The following GAS7 variants were observed in gnomAD, a reference collection of about 807,000 sequenced individuals.
The protein encoded by GAS7 is growth arrest-specific protein 7.
GAS7 carries 28 observed loss-of-function variants against 71.1 expected under a neutral mutation model. The ratio of observed to expected loss-of-function variants is 0.39; its 90% CI spans 0.29 to 0.54. The LOEUF is 0.54. GAS7 is among the 20% of genes least tolerant of loss of function. The probability of loss-of-function intolerance (pLI) is 0.62; values close to 1 mark genes in which losing one functional copy is unlikely to be tolerated. For synonymous variants in GAS7, 258 were observed against 245.8 expected (o/e 1.05, Z -0.46); for missense variants, 436 against 627.8 (o/e 0.69, Z 3.27).
At position 10,148,909 on chromosome 17, in the gene GAS7, C is replaced by CAAAAAAA. The variant is rs752140645; in HGVS notation, c.183+49292_183+49298dup. 9.4e-5 allele frequency among the ~76,000 whole-genome samples: 11 copies of CAAAAAAA among 117,288 alleles called. 1 individual carries two copies. Among genetic ancestry groups the CAAAAAAA allele is most frequent in the Admixed American group, 9.6e-5 (1 of 10,426 alleles). The allele number at this position is 117,288 out of a possible 152,430, so 76.9% of individuals were successfully genotyped here. On this transcript the variant is annotated intron_variant, in intron 1 of 13. Coordinates refer to ENST00000432992, the MANE Select transcript of GAS7 (RefSeq NM_201433.2). ...TGGGCGACAGAGAAAGACTCCGCCT[C>CAAAAAAA]AAAAAAAAAAAAAAAAAGAATCCTC...
chr17:10,173,928 G>A (rs1434795360), intron 1 of GAS7, among the ~76,000 whole-genome samples: 1 of 152,184 alleles, frequency 6.6e-6, no homozygotes, highest in East Asian at 1.9e-4. Context: ...GGGAGACGGT[G>A]GAGGGATGAA....
chr17:9,932,947 TG>T (rs1175267193), intron 9 of GAS7, among the ~76,000 whole-genome samples: 1 of 151,170 alleles, frequency 6.6e-6, no homozygotes, highest in Non-Finnish European at 1.5e-5. Flanking sequence ...CGGAGGAGGG[TG>T]GATCATGAGG....
rs989504271 is a variant in GAS7, at chr17:10,089,818, G to A, written c.184-69921C>T. On this transcript the variant is annotated intron_variant, in intron 1 of 13. Coordinates refer to ENST00000432992, the MANE Select transcript of GAS7 (RefSeq NM_201433.2). The stretch of plus-strand genomic sequence containing the variant: ...ATAAATCGAGAAACAACATACAATT[G>A]TTGTATTTAAAATTCTGGAGGCAAC... Among the ~76,000 whole-genome samples the A allele has an allele frequency of 2.6e-5, 4 of 152,176 alleles. No homozygotes were observed. In the East Asian group the frequency reaches 7.7e-4, roughly 29 times the overall value.
chr17:9,961,506 C>T (rs950278722), intron 4 of GAS7, among the ~76,000 whole-genome samples: 3 of 152,220 alleles, frequency 2.0e-5, no homozygotes, highest in African/African-American at 7.2e-5. Context: ...ATCACCACCG[C>T]GTTCCCACTG....
chr17:10,144,442 A>G (rs943577649), intron 1 of GAS7, among the ~76,000 whole-genome samples: 3 of 152,240 alleles, frequency 2.0e-5, no homozygotes, highest in Non-Finnish European at 2.9e-5. Flanking sequence ...AAGTTTTAAG[A>G]TCAACCCAAA....
intron 5 of GAS7, among the ~76,000 whole-genome samples, chr17:9,954,262 G>A (rs945305958): frequency 2.0e-5 from 3 of 152,202 alleles, no homozygotes; most frequent in African/African-American, 7.2e-5. Flanking sequence ...GAGTCAGGGA[G>A]TAGACAAGAC....
At chr17:9,927,316 C>CACACACACAT (rs1555589727) in intron 9 of GAS7, among the ~76,000 whole-genome samples, 3 of 149,888 alleles carry the variant, frequency 2.0e-5, no homozygotes, top group African/African-American at 7.5e-5. Context: ...CACACACACA[C>CACACACACAT]ACACACACAC....
intron 1 of GAS7, among the ~76,000 whole-genome samples, chr17:10,137,898 G>A (rs1384011356): frequency 3.3e-5 from 5 of 151,876 alleles, no homozygotes; most frequent in Admixed American, 6.6e-5. Flanking sequence ...AAAGGAAAGA[G>A]TTTTTGGTTG....
At chr17:10,004,440 G>T (rs1292127032) in intron 2 of GAS7, among the ~76,000 whole-genome samples, 1 of 152,072 alleles carries the variant, frequency 6.6e-6, no homozygotes, top group Non-Finnish European at 1.5e-5. Context: ...CATCCAGACA[G>T]ATCCTCCCTG....
Position 9,910,889 on chromosome 17 carries a change from G to A in GAS7, c.*6339C>T, listed in dbSNP as rs557299453. ...GTGGAGGAAACACATTCATACCGGG[G>A]TGAGGAGTGCTGGCGGGAGACACGG... On this transcript the variant is annotated 3_prime_UTR_variant, in exon 14 of 14. Transcript: ENST00000432992. The A allele has an allele frequency of 4.4e-6, 1 of 229,822 alleles. No individual in the cohort carries two copies. Among genetic ancestry groups the A allele is most frequent in the South Asian group, 1.8e-4 (1 of 5,490 alleles). 14.2% of individuals were successfully genotyped at this position (229,822 alleles called of 1,614,324 possible).
chr17:10,159,093 T>TATATATATATATATATATATATATAC, intron 1 of GAS7, among the ~76,000 whole-genome samples: 1 of 123,284 alleles, frequency 8.1e-6, no homozygotes, highest in South Asian at 2.6e-4. Context: ...TATATATATA[T>TATATATATATATATATATATATATAC]ATATTAAAGA....
At chr17:10,100,654 C>T (rs1416928777) in intron 1 of GAS7, among the ~76,000 whole-genome samples, 1 of 152,188 alleles carries the variant, frequency 6.6e-6, no homozygotes, top group Non-Finnish European at 1.5e-5. Flanking sequence ...TCCCAACCCC[C>T]CCATCCAGGC....
chr17:10,085,706 A>AAAAAAAAAAAAAAAAAGAAAGAAAG (rs1555531934), intron 1 of GAS7, among the ~76,000 whole-genome samples: 1 of 134,918 alleles, frequency 7.4e-6, no homozygotes, highest in Non-Finnish European at 1.5e-5. Context: ...AAAAAAAAAA[A>AAAAAAAAAAAAAAAAAGAAAGAAAG]AAAGAAAGAA....
chr17:9,985,967 G>A (rs142877148), intron 2 of GAS7, among the ~76,000 whole-genome samples: 70 of 152,324 alleles, frequency 4.6e-4, no homozygotes, highest in African/African-American at 1.6e-3. Flanking sequence ...CCTGACCTAA[G>A]TCCTGCAACA....
At chr17:10,131,626 G>C (rs2073998012) in intron 1 of GAS7, among the ~76,000 whole-genome samples, 2 of 152,070 alleles carry the variant, frequency 1.3e-5, no homozygotes, top group Non-Finnish European at 2.9e-5. Context: ...TGTCTCAAAA[G>C]AACAAAAGAA....
chr17:10,065,267 C>A (rs1026415065), intron 1 of GAS7, among the ~76,000 whole-genome samples: 1 of 152,234 alleles, frequency 6.6e-6, no homozygotes, highest in African/African-American at 2.4e-5. Flanking sequence ...TGTGGGTAAG[C>A]TTCTCTTCCA....
rs569949773 is a variant in GAS7 at position 10,097,810 on chromosome 17, G to A, written c.184-77913C>T. On this transcript the variant is annotated intron_variant, in intron 1 of 13. Coordinates refer to ENST00000432992, the MANE Select transcript of GAS7 (RefSeq NM_201433.2). ...TGTAATCCCAGCACTTTGGGAGGCCGAGGCGGGCAGATCACCTGAAGTCAG... is the reference window on the plus strand; with the variant it reads ...TGTAATCCCAGCACTTTGGGAGGCCAAGGCGGGCAGATCACCTGAAGTCAG... Among the ~76,000 whole-genome samples the A allele has an allele frequency of 1.0e-3, 152 of 152,204 alleles. 1 individual carries two copies. The highest frequency in any genetic ancestry group is 1.6e-3 in the African/African-American group (65 of 41,512).
chr17:10,077,678 G>C (rs150228793), intron 1 of GAS7, among the ~76,000 whole-genome samples: 10 of 152,336 alleles, frequency 6.6e-5, no homozygotes, highest in African/African-American at 2.2e-4. Context: ...TCTGGACTCA[G>C]AGACACCTAG....
At chr17:10,048,640 G>A (rs941196345) in intron 1 of GAS7, among the ~76,000 whole-genome samples, 2 of 152,168 alleles carry the variant, frequency 1.3e-5, no homozygotes, top group Non-Finnish European at 2.9e-5. Context: ...CTGCAAATGT[G>A]AATTTTTACC....
Sources: gnomAD v4.1 joint callset for allele counts (sites outside exome capture counted in the v4.1 genomes callset) on GRCh38, gnomAD v4.1.1 for gene constraint, MANE v1.5 for transcripts, NCBI Gene and HGNC (gene_info 2026-07-23, HGNC 2026-07-21) for gene names.